Variants in ITGA8 observed in about 807,000 individuals in gnomAD.
ITGA8 encodes the protein integrin alpha-8.
A neutral mutation model predicts 142.3 loss-of-function variants in ITGA8; 91 were observed. The observed-to-expected ratio is 0.64, with a 90% CI of 0.54 to 0.76. The LOEUF (loss-of-function observed/expected upper bound fraction) is 0.76, where lower values mean the gene tolerates loss of function less well. Ranked by LOEUF, ITGA8 falls within the 30% of genes least tolerant of loss-of-function variation. The probability of loss-of-function intolerance (pLI) is 0.00; values close to 1 mark genes in which losing one functional copy is unlikely to be tolerated. For synonymous variants in ITGA8, 505 were observed against 485.2 expected (o/e 1.04, Z -0.54); for missense variants, 1,406 against 1,327.7 (o/e 1.06, Z -0.92).
At chr10:15,681,334 GGAA>G (rs1466070415) in intron 4 of ITGA8, among the ~76,000 whole-genome samples, 1 of 152,126 alleles carries the variant, frequency 6.6e-6, no homozygotes, top group Non-Finnish European at 1.5e-5. Context: ...GATCTGAGGA[GGAA>G]GAAGTACCCG....
chr10:15,656,205 G>C (rs118070717), intron 10 of ITGA8, among the ~76,000 whole-genome samples: 2 of 152,290 alleles, frequency 1.3e-5, no homozygotes, highest in Non-Finnish European at 2.9e-5. Flanking sequence ...AGTTAGGTAA[G>C]ATTTACGCTT....
chr10:15,552,741 G>A (rs1833813907), intron 26 of ITGA8, among the ~76,000 whole-genome samples: 1 of 152,112 alleles, frequency 6.6e-6, no homozygotes. Flanking sequence ...GTGTCCATGT[G>A]TTCTCACTGT....
At position 15,718,845 on chromosome 10, in the gene ITGA8, C is replaced by G; in HGVS notation, c.264G>C (p.Val88=). 1 of 1,614,192 alleles carries G rather than the reference C, an allele frequency of 6.2e-7. No individual in the cohort carries two copies. Among genetic ancestry groups the G allele is most frequent in the Non-Finnish European group, 8.5e-7 (1 of 1,180,040 alleles). ...PKANTSQPDI[V]EGGAVYYCPW... is the part of the protein sequence containing the mutation. Reference sequence around the variant, plus strand: ...GACAGTAATAGACGGCTCCCCCTTCCACGATATCGGGCTGGCTGGTGTTGG... The same window carrying G: ...GACAGTAATAGACGGCTCCCCCTTCGACGATATCGGGCTGGCTGGTGTTGG... Residue 88 remains valine, a synonymous_variant, in exon 2 of 30, where the codon GTG becomes GTC. Coordinates refer to ENST00000378076, the MANE Select transcript of ITGA8 (RefSeq NM_003638.3).
At chr10:15,706,324 C>T (rs952033860) in intron 2 of ITGA8, among the ~76,000 whole-genome samples, 5 of 152,130 alleles carry the variant, frequency 3.3e-5, no homozygotes, top group Non-Finnish European at 5.9e-5. Flanking sequence ...CTAACTGCTA[C>T]CACTCAATCC....
chr10:15,710,247 A>G (rs556766470), intron 2 of ITGA8, among the ~76,000 whole-genome samples: 1 of 152,238 alleles, frequency 6.6e-6, no homozygotes, highest in South Asian at 2.1e-4. Context: ...TTTGACTTTT[A>G]TGTTTTTTAT....
rs556176330 is a variant in ITGA8, at chr10:15,621,086, C to T, written c.1400-4527G>A. Among the ~76,000 whole-genome samples the T allele has an allele frequency of 1.5e-4, 23 of 151,782 alleles. No individual in the cohort carries two copies. The South Asian group carries it at 4.8e-3, about 32-fold the overall frequency. Reference sequence around the variant, plus strand: ...TGATACCATTATCTATGTTTACTTCCTTTCTATAAATGCCTTAAGGGCAAA... The same window carrying T: ...TGATACCATTATCTATGTTTACTTCTTTTCTATAAATGCCTTAAGGGCAAA... On this transcript the variant is annotated intron_variant, in intron 13 of 29. Coordinates refer to ENST00000378076, the MANE Select transcript of ITGA8 (RefSeq NM_003638.3).
chr10:15,531,709 C>T (rs1052556565), intron 27 of ITGA8, among the ~76,000 whole-genome samples: 2 of 151,512 alleles, frequency 1.3e-5, no homozygotes, highest in Middle Eastern at 3.4e-3. Flanking sequence ...AGGCCGAGGC[C>T]GGTGGATCCC....
rs765297897 is a variant in ITGA8 at position 15,660,939 on chromosome 10, C to T, written c.848-17G>A. On this transcript the variant is annotated splice_polypyrimidine_tract_variant and intron_variant, in intron 8 of 29. Coordinates refer to ENST00000378076, the MANE Select transcript of ITGA8 (RefSeq NM_003638.3). ...CAACCAATTCTGGGGATGAAAATAG[C>T]CATTTAGAAGGGGAATTACTCACAC... 1.9e-6 allele frequency: 3 copies of T among 1,610,818 alleles called. No individual in the cohort carries two copies. Among genetic ancestry groups the T allele is most frequent in the South Asian group, 2.2e-5 (2 of 91,006 alleles).
At chr10:15,718,926 C>T (rs1176831614) in intron 1 of ITGA8, 27 bp from the exon 2 acceptor site, 1 of 1,613,650 alleles carries the variant, frequency 6.2e-7, no homozygotes, top group African/African-American at 1.3e-5. Context: ...GAAAGTCACT[C>T]TTTGGGCGCC....
chr10:15,591,636 G>C (rs1045946160), intron 22 of ITGA8, among the ~76,000 whole-genome samples: 24 of 152,200 alleles, frequency 1.6e-4, no homozygotes, highest in Non-Finnish European at 2.8e-4. Flanking sequence ...AGAATAGGTG[G>C]TAAGAGGGTA....
In ITGA8 at chr10:15,644,205, C is replaced by G. The variant is rs1444211316; in HGVS notation, c.1224G>C (p.Val408=). ...CTCTTTGATCCTTGCCTGCAAAAGGCACTCCGATGGCAATGTCTAAAAACA... is the reference window on the plus strand; with the variant it reads ...CTCTTTGATCCTTGCCTGCAAAAGGGACTCCGATGGCAATGTCTAAAAACA... ...QDGYNDIAIG[V]PFAGKDQRGK... Residue 408 remains valine, a synonymous_variant, in exon 13 of 30, where the codon GTG becomes GTC. Coordinates refer to ENST00000378076, the MANE Select transcript of ITGA8 (RefSeq NM_003638.3). 1 of 1,613,548 alleles carries G rather than the reference C, an allele frequency of 6.2e-7. No homozygotes were observed. The highest frequency in any genetic ancestry group is 1.1e-5 in the South Asian group (1 of 91,042).
chr10:15,643,574 G>C (rs1259073266), intron 13 of ITGA8, among the ~76,000 whole-genome samples: 1 of 152,166 alleles, frequency 6.6e-6, no homozygotes, highest in Non-Finnish European at 1.5e-5. Context: ...GAGCCACCAT[G>C]ATGGGCCAAG....
rs1564412460 is a variant in ITGA8 at position 15,694,354 on chromosome 10, T to TATATGATAATATATCAC, written c.344-6317_344-6316insGTGATATATTATCATAT. ...ATATCATATATCAGATAATATATCA[T>TATATGATAATATATCAC]ATATCAGATAATATATCATATATGA... is the stretch of plus-strand genomic sequence containing the variant. On this transcript the variant is annotated intron_variant, in intron 2 of 29. Coordinates refer to ENST00000378076, the MANE Select transcript of ITGA8 (RefSeq NM_003638.3). Among the ~76,000 whole-genome samples, 198 of 102,916 alleles carry TATATGATAATATATCAC rather than the reference T, an allele frequency of 1.9e-3. 2 individuals are homozygous for TATATGATAATATATCAC. Among genetic ancestry groups the TATATGATAATATATCAC allele is most frequent in the East Asian group, 3.0e-3 (11 of 3,722 alleles). 67.5% of individuals were successfully genotyped at this position (102,916 alleles called of 152,430 possible).
At chr10:15,707,549 G>T (rs1835282339) in intron 2 of ITGA8, among the ~76,000 whole-genome samples, 1 of 152,150 alleles carries the variant, frequency 6.6e-6, no homozygotes, top group Non-Finnish European at 1.5e-5. Flanking sequence ...AAGGCTAGGT[G>T]CAGTGGCTCA....
chr10:15,712,826 T>G (rs1835386763), intron 2 of ITGA8, among the ~76,000 whole-genome samples: 1 of 152,156 alleles, frequency 6.6e-6, no homozygotes, highest in Admixed American at 6.5e-5. Flanking sequence ...TCAGAATAAT[T>G]TCAAGACTAT....
At position 15,594,240 on chromosome 10, in the gene ITGA8, A is replaced by G. The variant is rs528601750; in HGVS notation, c.2212-1936T>C. Among the ~76,000 whole-genome samples the G allele has an allele frequency of 1.4e-4, 21 of 152,084 alleles. No homozygotes were observed. In the South Asian group the frequency reaches 2.3e-3, roughly 17 times the overall value. ...TTTTTCTTGCCTTTTCTACTTGAAG[A>G]ACTGCTAACGCATGCCTGAAATCTT... is the stretch of plus-strand genomic sequence containing the variant. On this transcript the variant is annotated intron_variant, in intron 21 of 29. Coordinates refer to ENST00000378076, the MANE Select transcript of ITGA8 (RefSeq NM_003638.3).
intron 23 of ITGA8, among the ~76,000 whole-genome samples, chr10:15,577,149 T>G (rs888642139): frequency 6.6e-6 from 1 of 152,116 alleles, no homozygotes; most frequent in African/African-American, 2.4e-5. Flanking sequence ...AGGGAAACTT[T>G]TATTTATTTA....
chr10:15,542,267 G>T (rs1833584117), intron 27 of ITGA8, among the ~76,000 whole-genome samples: 1 of 152,180 alleles, frequency 6.6e-6, no homozygotes, highest in Admixed American at 6.5e-5. Flanking sequence ...CTGCTGCATA[G>T]AACTTTCTTC....
chr10:15,562,462 G>A (rs1564352868), intron 25 of ITGA8, among the ~76,000 whole-genome samples: 2 of 152,180 alleles, frequency 1.3e-5, no homozygotes, highest in African/African-American at 4.8e-5. Flanking sequence ...ATGGGGGCTT[G>A]TAAAAGCGTG....
Sources: allele counts gnomAD v4.1 joint callset (sites outside exome capture counted in the v4.1 genomes callset), GRCh38; gene constraint gnomAD v4.1.1; transcripts MANE v1.5; gene names NCBI Gene and HGNC (gene_info 2026-07-23, HGNC 2026-07-21).